Variants in PCDHA11 observed in about 807,000 individuals in gnomAD.
PCDHA11 encodes protocadherin alpha-11.
A neutral mutation model predicts 70.3 loss-of-function variants in PCDHA11; 61 were observed. The ratio of observed to expected loss-of-function variants is 0.87; its 90% CI spans 0.71 to 1.07. PCDHA11 has a LOEUF of 1.07. Ranked by LOEUF, PCDHA11 falls within the 50% of genes least tolerant of loss-of-function variation. The pLI is 0.00. For missense variants in PCDHA11, 1,324 were observed against 1,237.5 expected, an observed-to-expected ratio of 1.07 and a Z score of -1.05; for synonymous variants, 633 against 555.1, an observed-to-expected ratio of 1.14 and a Z score of -1.97.
chr5:140,898,711 T>A (rs1280268769), intron 1 of PCDHA11, among the ~76,000 whole-genome samples: 2 of 152,226 alleles, frequency 1.3e-5, no homozygotes, highest in Non-Finnish European at 2.9e-5. Flanking sequence ...AAGTAGTTTT[T>A]TCCAATTCTG....
At chr5:141,000,900 G>T (rs1020896392) in intron 3 of PCDHA11, among the ~76,000 whole-genome samples, 4 of 151,614 alleles carry the variant, frequency 2.6e-5, no homozygotes, top group African/African-American at 9.7e-5. Context: ...AGATATAGAC[G>T]CTGTCTCTAA....
rs1400127439 is a variant in PCDHA11, at chr5:140,871,401, G to A, written c.2298G>A (p.Thr766=). Residue 766 remains threonine (T), a synonymous_variant, in exon 1 of 4, where the codon ACG becomes ACA. Coordinates refer to ENST00000398640, the MANE Select transcript of PCDHA11 (RefSeq NM_018902.5). ...GCTCTGAGGAGGGCCCACCTAAGAC[G>A]GACCTCATGGCCTTCAGCCCCAGTC... ...RVCSEEGPPK[T]DLMAFSPSLP... is the part of the protein sequence containing the mutation. 2.5e-6 allele frequency: 4 copies of A among 1,614,086 alleles called. No individual in the cohort carries two copies. The highest frequency in any genetic ancestry group is 1.1e-5 in the South Asian group (1 of 91,070).
At chr5:140,960,737 G>T (rs2095566221) in intron 1 of PCDHA11, among the ~76,000 whole-genome samples, 1 of 145,230 alleles carries the variant, frequency 6.9e-6, no homozygotes, top group South Asian at 2.2e-4. Context: ...CATGATTTTA[G>T]TCCATGGCTA....
rs35695909 is a variant in PCDHA11, at chr5:140,914,944, C to CTT, written c.2391+43467_2391+43468dup. Among the ~76,000 whole-genome samples the CTT allele has an allele frequency of 2.2e-4, 28 of 128,250 alleles. 1 individual carries two copies. Among genetic ancestry groups the CTT allele is most frequent in the African/African-American group, 3.1e-4 (11 of 35,118 alleles). 84.1% of individuals were successfully genotyped at this position (128,250 alleles called of 152,430 possible). Reference sequence around the variant, plus strand: ...ATTGTACTATGTTGTGAAAAGTTGTCTTTTTTTTTTTTTTTTTTCTGAGTC... The same window carrying CTT: ...ATTGTACTATGTTGTGAAAAGTTGTCTTTTTTTTTTTTTTTTTTTTCTGAGTC... On this transcript the variant is annotated intron_variant, in intron 1 of 3. Transcript: ENST00000398640.
chr5:140,994,358 G>A (rs2097616894), intron 3 of PCDHA11, among the ~76,000 whole-genome samples: 1 of 152,162 alleles, frequency 6.6e-6, no homozygotes, highest in Admixed American at 6.5e-5. Flanking sequence ...GACCTCAGAA[G>A]ATGGAATTGG....
intron 3 of PCDHA11, 63 bp downstream of exon 3, chr5:140,982,626 T>C (rs782343298): frequency 2.5e-5 from 39 of 1,581,800 alleles, no homozygotes; most frequent in Non-Finnish European, 2.8e-5. Context: ...TGACCTACTT[T>C]TGTAAGATCA....
At chr5:140,980,160 T>C (rs1408251279) in intron 2 of PCDHA11, among the ~76,000 whole-genome samples, 1 of 152,140 alleles carries the variant, frequency 6.6e-6, no homozygotes, top group East Asian at 1.9e-4. Context: ...TACCAGAATA[T>C]TAGGTATCAG....
chr5:140,934,305 A>T, intron 1 of PCDHA11, among the ~76,000 whole-genome samples: 1 of 152,150 alleles, frequency 6.6e-6, no homozygotes, highest in African/African-American at 2.4e-5. Flanking sequence ...TATTTTTCTT[A>T]CTGCAAATGT....
At chr5:140,887,376 G>A (rs1169212781) in intron 1 of PCDHA11, among the ~76,000 whole-genome samples, 1 of 152,158 alleles carries the variant, frequency 6.6e-6, no homozygotes, top group Non-Finnish European at 1.5e-5. Context: ...GATTACAGGT[G>A]TGAGCCACCG....
At chr5:140,929,103 G>C (rs1424047708) in intron 1 of PCDHA11, 1 of 1,614,062 alleles carries the variant, frequency 6.2e-7, no homozygotes, top group East Asian at 2.2e-5. Flanking sequence ...ATCCTTGCAT[G>C]ACATCAGCCA....
chr5:141,009,732 A>G lies in PCDHA11; in HGVS notation c.2645A>G (p.Glu882Gly). ...AACCCCAAACAATCCGGTCCCGGTG[A>G]GTTGCCCGACAAATTCATTATCCCA... is the stretch of plus-strand genomic sequence containing the variant. Reference protein sequence around the residue: ...PGNPKQSGPGELPDKFIIPGS... With the variant: ...PGNPKQSGPGGLPDKFIIPGS... Residue 882 changes from glutamate to glycine, a missense_variant, in exon 4 of 4, where the codon GAG becomes GGG. Transcript: ENST00000398640. The G allele has an allele frequency of 6.2e-7, 1 of 1,614,168 alleles. No individual in the cohort carries two copies. Among genetic ancestry groups the G allele is most frequent in the Non-Finnish European group, 8.5e-7 (1 of 1,180,032 alleles).
chr5:140,941,939 T>C (rs2153657014), intron 1 of PCDHA11, among the ~76,000 whole-genome samples: 1 of 152,358 alleles, frequency 6.6e-6, no homozygotes, highest in African/African-American at 2.4e-5. Context: ...TTTGAATTAC[T>C]TTTGTTTTGA....
At chr5:140,925,740 G>T (rs1008956010) in intron 1 of PCDHA11, among the ~76,000 whole-genome samples, 19 of 151,764 alleles carry the variant, frequency 1.3e-4, no homozygotes, top group African/African-American at 4.6e-4. Flanking sequence ...AATATTTACA[G>T]AAAGAAAATT....
intron 3 of PCDHA11, 125 bp downstream of exon 3, chr5:140,982,688 A>G: frequency 6.4e-6 from 9 of 1,415,764 alleles, no homozygotes; most frequent in African/African-American, 1.4e-5. Flanking sequence ...CCTTTTTTCC[A>G]TACATACATG....
intron 1 of PCDHA11, among the ~76,000 whole-genome samples, chr5:140,941,621 G>A (rs552509224): frequency 6.6e-6 from 1 of 151,808 alleles, no homozygotes; most frequent in South Asian, 2.1e-4. Context: ...AGCCCATCCT[G>A]CTTCTTAATT....
chr5:140,937,039 C>CTTTTT, intron 1 of PCDHA11, among the ~76,000 whole-genome samples: 1 of 140,166 alleles, frequency 7.1e-6, no homozygotes, highest in Non-Finnish European at 1.5e-5. Flanking sequence ...TTCCATTTAT[C>CTTTTT]TTTTTTTTTT....
At chr5:140,883,474 G>C in intron 1 of PCDHA11, 1 of 1,614,126 alleles carries the variant, frequency 6.2e-7, no homozygotes, top group Middle Eastern at 1.7e-4. Flanking sequence ...CCACCTACAA[G>C]AACTACTACT....
At position 140,869,838 on chromosome 5, in the gene PCDHA11, A is replaced by G; in HGVS notation, c.735A>G (p.Ser245=). 3.7e-6 allele frequency: 6 copies of G among 1,611,734 alleles called. No individual in the cohort carries two copies. Among genetic ancestry groups the G allele is most frequent in the Non-Finnish European group, 5.1e-6 (6 of 1,178,842 alleles). ...ACAATGATCCAGAGTTTGATAAATC[A>G]GAATATAAGGTGAGCCTTATGGAAA... The part of the protein sequence containing the change: ...VNDNDPEFDK[S]EYKVSLMENA... Residue 245 remains serine, a synonymous_variant, in exon 1 of 4, where the codon TCA becomes TCG. Transcript: ENST00000398640.
chr5:140,971,414 AT>A (rs2096477673), intron 1 of PCDHA11, among the ~76,000 whole-genome samples: 1 of 152,166 alleles, frequency 6.6e-6, no homozygotes, highest in African/African-American at 2.4e-5. Flanking sequence ...ACTTTTGGAA[AT>A]CCAGTGAAGA....
Sources: allele counts gnomAD v4.1 joint callset (sites outside exome capture counted in the v4.1 genomes callset), GRCh38; gene constraint gnomAD v4.1.1; transcripts MANE v1.5; gene names NCBI Gene and HGNC (gene_info 2026-07-23, HGNC 2026-07-21).